Variants in ASPG observed in about 807,000 individuals in gnomAD.
ASPG encodes asparaginase, also known as 60 kDa lysophospholipase.
A neutral mutation model predicts 63.2 loss-of-function variants in ASPG; 53 were observed. The observed-to-expected ratio is 0.84, with a 90% confidence interval of 0.67 to 1.05. ASPG has a LOEUF of 1.05. Ranked by LOEUF, ASPG falls within the 50% of genes least tolerant of loss-of-function variation. The pLI, the probability that ASPG is intolerant of heterozygous loss-of-function variation, is 0.00. For missense variants in ASPG, 741 were observed against 794.4 expected, an observed-to-expected ratio of 0.93 and a Z score of 0.81; for synonymous variants, 370 against 355.0, an observed-to-expected ratio of 1.04 and a Z score of -0.48.
intron 10 of ASPG, among the ~76,000 whole-genome samples, chr14:104,105,762 G>C (rs2037096626): frequency 1.3e-5 from 2 of 152,170 alleles, no homozygotes; most frequent in South Asian, 4.1e-4. Flanking sequence ...GGGTGAGTGG[G>C]GGCGGTGCTT....
rs914228238 is a variant in ASPG, at chr14:104,091,222, T to C, written c.83-1411T>C. ...CCCACCATACATGAGACAGGGACAC[T>C]TGGACACCGGTGTGGGGTGGACCCT... On this transcript the variant is annotated intron_variant, in intron 1 of 15. Coordinates refer to ENST00000551177, the MANE Select transcript of ASPG (RefSeq NM_001080464.3). This position sits in a 1 kb window ranked among gnomAD's most constrained non-coding sequence, Gnocchi z 6.4. Among the ~76,000 whole-genome samples, 1 of 151,760 alleles carries C rather than the reference T, an allele frequency of 6.6e-6. No homozygotes were observed. Among genetic ancestry groups the C allele is most frequent in the Non-Finnish European group, 1.5e-5 (1 of 67,956 alleles).
At chr14:104,092,875 G>T in intron 2 of ASPG, 134 bp downstream of exon 2, 1 of 756,306 alleles carries the variant, frequency 1.3e-6, no homozygotes, top group Non-Finnish European at 2.2e-6. Flanking sequence ...TCAGCTTACA[G>T]GGCTTTAGGA....
Position 104,112,541 on chromosome 14 carries a change from C to A in ASPG, c.1719C>A (p.Val573=), listed in dbSNP as rs1477921102. The change falls in exon 16 of 16, where the codon GTC becomes GTA. Residue 573 remains valine (V), a synonymous_variant. Coordinates refer to ENST00000551177, the MANE Select transcript of ASPG (RefSeq NM_001080464.3). The part of the protein sequence containing the change: ...QAPCPEVLPG[V] ...GTTTTCAGGAAGTGCTGCCTGGTGTCTAACCTGAAGGCGTCCTGCTGCAGT... is the reference window on the plus strand; with the variant it reads ...GTTTTCAGGAAGTGCTGCCTGGTGTATAACCTGAAGGCGTCCTGCTGCAGT... 2 of 1,574,098 alleles carry A rather than the reference C, an allele frequency of 1.3e-6. No homozygotes were observed. Among genetic ancestry groups the A allele is most frequent in the Non-Finnish European group, 1.7e-6 (2 of 1,144,284 alleles).
In ASPG at chr14:104,111,947, G is replaced by A; in HGVS notation, c.1648G>A (p.Val550Met). 6.4e-7 allele frequency: 1 copy of A among 1,557,558 alleles called. No individual in the cohort carries two copies. The highest frequency in any genetic ancestry group is 1.2e-5 in the South Asian group (1 of 84,306). The change falls in exon 15 of 16, where the codon GTG becomes ATG. Residue 550 changes from valine (V) to methionine (M), a missense_variant. Physicochemically the swap from Val to Met is conservative, Grantham distance 21. Transcript: ENST00000551177. ...AGAGGCAGCCGGGAACCTGGCAGTG[G>A]TGGCCTTTCTACAGAGCCTGGAGGG... ...VAEAAGNLAV[V>M]AFLQSLEGAV...
chr14:104,085,972 G>A (rs1477133807), intron 1 of ASPG, 120 bp downstream of exon 1: 2 of 927,910 alleles, frequency 2.2e-6, no homozygotes, highest in Non-Finnish European at 3.1e-6. Context: ...TGGGGGGTGC[G>A]GGCTGAGGTC....
chr14:104,094,282 C>T (rs1323512111), intron 3 of ASPG, among the ~76,000 whole-genome samples: 1 of 152,030 alleles, frequency 6.6e-6, no homozygotes, highest in Non-Finnish European at 1.5e-5. Context: ...GGCCAGCAAG[C>T]TCCTTGTGCG....
chr14:104,108,977 A>AC (rs2037268558), intron 12 of ASPG: 2 of 985,206 alleles, frequency 2.0e-6, no homozygotes, highest in African/African-American at 3.5e-5. Context: ...AGTTGACCCC[A>AC]CCCCTTGCAG....
Position 104,112,893 on chromosome 14 carries a change from C to G in ASPG, c.*349C>G. 1 of 351,540 alleles carries G rather than the reference C, an allele frequency of 2.8e-6. No homozygotes were observed. Among genetic ancestry groups the G allele is most frequent in the South Asian group, 3.0e-5 (1 of 32,960 alleles). The allele number at this position is 351,540 out of a possible 1,614,324, so 21.8% of individuals were successfully genotyped here. On this transcript the variant is annotated 3_prime_UTR_variant, in exon 16 of 16. Coordinates refer to ENST00000551177, the MANE Select transcript of ASPG (RefSeq NM_001080464.3). ...ATGGACGTGACTTGGCCAAGTGGTC[C>G]TTTCCCAGCTGCCACTCCCCCTTCC...
rs755764191 is a variant in ASPG, at chr14:104,110,359, T to G, written c.1520+1044T>G. Reference sequence around the variant, plus strand: ...ACCGGCCCACAACCCCTGGTCTTGCTTTTGAAGGGACTTCCGGGGTGACTT... The same window carrying G: ...ACCGGCCCACAACCCCTGGTCTTGCGTTTGAAGGGACTTCCGGGGTGACTT... On this transcript the variant is annotated intron_variant, in intron 13 of 15. Transcript: ENST00000551177. The surrounding 1 kb of genome is among the most constrained non-coding windows in gnomAD (Gnocchi z 4.7). 1.0e-6 allele frequency: 1 copy of G among 985,346 alleles called. No homozygotes were observed. The highest frequency in any genetic ancestry group is 5.2e-4 in the Middle Eastern group (1 of 1,912). The allele number at this position is 985,346 out of a possible 1,614,324, so 61.0% of individuals were successfully genotyped here.
At chr14:104,098,123 T>G (rs1336731992) in intron 5 of ASPG, among the ~76,000 whole-genome samples, 1 of 144,338 alleles carries the variant, frequency 6.9e-6, no homozygotes, top group African/African-American at 2.6e-5. Context: ...CGTATGGAGG[T>G]TCTCCGTTAG....
intron 10 of ASPG, among the ~76,000 whole-genome samples, chr14:104,106,277 C>T (rs554225715): frequency 2.2e-4 from 34 of 152,330 alleles, no homozygotes; most frequent in African/African-American, 8.2e-4. Flanking sequence ...CTGCCAGGAC[C>T]GCTGGGTGTG....
Position 104,114,433 on chromosome 14 carries a change from C to T in ASPG, c.*1889C>T, listed in dbSNP as rs1307336278. ...ACCCCCATTGTCAGTCCCCTCCAAA[C>T]CCTCGTGGGATGTAGGGCCCTACCA... On this transcript the variant is annotated 3_prime_UTR_variant, in exon 16 of 16. Transcript: ENST00000551177. The T allele has an allele frequency of 6.6e-6, 1 of 152,364 alleles. No homozygotes were observed. Among genetic ancestry groups the T allele is most frequent in the Admixed American group, 6.5e-5 (1 of 15,292 alleles). The allele number at this position is 152,364 out of a possible 1,614,324, so 9.4% of individuals were successfully genotyped here.
intron 2 of ASPG, 57 bp downstream of exon 2, chr14:104,092,798 C>T (rs1398939913): frequency 6.9e-7 from 1 of 1,444,038 alleles, no homozygotes; most frequent in African/African-American, 1.4e-5. Context: ...GGGCACCGAT[C>T]CTGAGGCTGG....
chr14:104,109,552 C>T lies in ASPG; in HGVS notation c.1520+237C>T, dbSNP rs1372395798. Among the ~76,000 whole-genome samples the T allele has an allele frequency of 6.6e-6, 1 of 151,582 alleles. No individual in the cohort carries two copies. Among genetic ancestry groups the T allele is most frequent in the Non-Finnish European group, 1.5e-5 (1 of 67,954 alleles). ...TGAGCGAACAGTCCAGCAAGGGTGT[C>T]TCTGTGTGCACATGTGTGCATGTGT... On this transcript the variant is annotated intron_variant, in intron 13 of 15. Coordinates refer to ENST00000551177, the MANE Select transcript of ASPG (RefSeq NM_001080464.3). This position sits in a 1 kb window ranked among gnomAD's most constrained non-coding sequence, Gnocchi z 4.8.
At position 104,098,099 on chromosome 14, in the gene ASPG, C is replaced by CTCCGTTAGAGA. The variant is rs1566830488; in HGVS notation, c.513+463_513+464insCCGTTAGAGAT. 5.6e-4 allele frequency among the ~76,000 whole-genome samples: 14 copies of CTCCGTTAGAGA among 24,828 alleles called. 1 individual carries two copies. The highest frequency in any genetic ancestry group is 3.3e-3 in the Admixed American group (8 of 2,404). 16.3% of individuals were successfully genotyped at this position (24,828 alleles called of 152,430 possible). ...TGCGTTAGAGATGCGTATGGAGGTTCTGCGTTAGAGATGCGTATGGAGGTT... is the reference window on the plus strand; with the variant it reads ...TGCGTTAGAGATGCGTATGGAGGTTCTCCGTTAGAGATGCGTTAGAGATGCGTATGGAGGTT... On this transcript the variant is annotated intron_variant, in intron 5 of 15. Coordinates refer to ENST00000551177, the MANE Select transcript of ASPG (RefSeq NM_001080464.3).
At position 104,109,463 on chromosome 14, in the gene ASPG, G is replaced by A. The variant is rs1483808872; in HGVS notation, c.1520+148G>A. 5.8e-6 allele frequency: 5 copies of A among 860,960 alleles called. No homozygotes were observed. Among genetic ancestry groups the A allele is most frequent in the African/African-American group, 1.7e-5 (1 of 58,984 alleles). 53.3% of individuals were successfully genotyped at this position (860,960 alleles called of 1,614,324 possible). On this transcript the variant is annotated intron_variant, in intron 13 of 15. Transcript: ENST00000551177. This position sits in a 1 kb window ranked among gnomAD's most constrained non-coding sequence, Gnocchi z 4.8. ...GCTGACCTCAGTGTGCACCAACCTG[G>A]CTGATGGGAAGAGGTGTCTACCCTG...
At chr14:104,106,329 C>A (rs1248075988) in intron 10 of ASPG, among the ~76,000 whole-genome samples, 2 of 152,210 alleles carry the variant, frequency 1.3e-5, no homozygotes, top group East Asian at 3.8e-4. Flanking sequence ...GGCCTTTTGG[C>A]GTCTTGGGGA....
rs1282527459 is a variant in ASPG, at chr14:104,106,913, G to A, written c.1269+19G>A. The A allele has an allele frequency of 1.3e-6, 2 of 1,555,854 alleles. No homozygotes were observed. The highest frequency in any genetic ancestry group is 1.4e-5 in the African/African-American group (1 of 73,562). On this transcript the variant is annotated intron_variant, in intron 11 of 15. Coordinates refer to ENST00000551177, the MANE Select transcript of ASPG (RefSeq NM_001080464.3). ...GGAGCTGGTGAGCCTCCCCCACCCTGGGGGCCCAGCCCCAGCCACGCCTGG... is the reference window on the plus strand; with the variant it reads ...GGAGCTGGTGAGCCTCCCCCACCCTAGGGGCCCAGCCCCAGCCACGCCTGG...
At position 104,110,450 on chromosome 14, in the gene ASPG, A is replaced by T. The variant is rs2037337230; in HGVS notation, c.1521-1052A>T. ...TGACAGATGGGGAAACTGAGGCAGTAGTCAGGTCCTGTGGGAGCTGGGACC... is the reference window on the plus strand; with the variant it reads ...TGACAGATGGGGAAACTGAGGCAGTTGTCAGGTCCTGTGGGAGCTGGGACC... On this transcript the variant is annotated intron_variant, in intron 13 of 15. Transcript: ENST00000551177. The surrounding 1 kb of genome is among the most constrained non-coding windows in gnomAD (Gnocchi z 4.7). The T allele has an allele frequency of 1.0e-6, 1 of 985,202 alleles. No homozygotes were observed. The highest frequency in any genetic ancestry group is 1.2e-6 in the Non-Finnish European group (1 of 829,884). The allele number at this position is 985,202 out of a possible 1,614,324, so 61.0% of individuals were successfully genotyped here. A position where few individuals can be genotyped will look rare whatever the true frequency, so the allele number is the denominator to read the frequency against.
Sources: allele counts gnomAD v4.1 joint callset (sites outside exome capture counted in the v4.1 genomes callset), GRCh38; gene constraint gnomAD v4.1.1; non-coding constraint Gnocchi (gnomAD v3.1); transcripts MANE v1.5; gene names NCBI Gene and HGNC (gene_info 2026-07-23, HGNC 2026-07-21).